The following AP4S1 variants were observed in gnomAD, a reference collection of about 807,000 sequenced individuals.
AP4S1 encodes AP-4 complex subunit sigma-1.
A neutral mutation model predicts 19.8 loss-of-function variants in AP4S1; 23 were observed. The ratio of observed to expected loss-of-function variants is 1.16; its 90% CI spans 0.84 to 1.65. The LOEUF (loss-of-function observed/expected upper bound fraction) is 1.65. Ranked by LOEUF, AP4S1 falls within the 40% of genes most tolerant of loss-of-function variation. AP4S1 has a pLI of 0.00. For synonymous variants in AP4S1, 46 were observed against 54.1 expected, an observed-to-expected ratio of 0.85 and a Z score of 0.66; for missense variants, 166 against 172.8, an observed-to-expected ratio of 0.96 and a Z score of 0.22.
intron 3 of AP4S1, among the ~76,000 whole-genome samples, chr14:31,071,889 TTTTATTTA>T (rs199990301): frequency 1.8e-4 from 26 of 148,392 alleles, no homozygotes; most frequent in African/African-American, 3.2e-4. Context: ...ATATTTTTAC[TTTTATTTA>T]TTTATTTATT....
intron 2 of AP4S1, among the ~76,000 whole-genome samples, chr14:31,068,770 C>T (rs1886854922): frequency 6.6e-6 from 1 of 152,046 alleles, no homozygotes; most frequent in Admixed American, 6.6e-5. Flanking sequence ...ACCAAAGTAG[C>T]ATAATAGCAG....
At chr14:31,049,428 A>AAAAAAAAT (rs1384450221) in intron 1 of AP4S1, among the ~76,000 whole-genome samples, 5 of 57,736 alleles carry the variant, frequency 8.7e-5, no homozygotes, top group Non-Finnish European at 5.8e-5. Context: ...AAAAAAAAAA[A>AAAAAAAAT]ATATATATAT....
intron 1 of AP4S1, among the ~76,000 whole-genome samples, chr14:31,044,882 A>G (rs1885301589): frequency 1.3e-5 from 2 of 151,524 alleles, no homozygotes; most frequent in African/African-American, 4.8e-5. Context: ...TATATTCTTT[A>G]TTTTAAAAGA....
chr14:31,040,252 A>G (rs1885035281), intron 1 of AP4S1, among the ~76,000 whole-genome samples: 1 of 150,396 alleles, frequency 6.6e-6, no homozygotes, highest in Middle Eastern at 3.4e-3. Flanking sequence ...CCCAAGGCTC[A>G]GGTGATCCTC....
At chr14:31,064,350 G>A (rs946709386) in intron 1 of AP4S1, among the ~76,000 whole-genome samples, 2 of 152,024 alleles carry the variant, frequency 1.3e-5, no homozygotes, top group African/African-American at 4.8e-5. Flanking sequence ...CCGGGCTCAA[G>A]AGATTCTCCT....
chr14:31,026,219 G>C, intron 1 of AP4S1: 3 of 1,383,626 alleles, frequency 2.2e-6, no homozygotes, highest in Non-Finnish European at 2.8e-6. Context: ...CGCAGGGCGA[G>C]ACGCCGACAG....
At chr14:31,046,833 G>A (rs1347796152) in intron 1 of AP4S1, among the ~76,000 whole-genome samples, 6 of 142,242 alleles carry the variant, frequency 4.2e-5, no homozygotes, top group Admixed American at 2.9e-4. Flanking sequence ...GCAACAGAGC[G>A]AGACTCCGTC....
chr14:31,051,861 A>T (rs377514500), intron 1 of AP4S1, among the ~76,000 whole-genome samples: 3 of 152,260 alleles, frequency 2.0e-5, no homozygotes, highest in African/African-American at 4.8e-5. Flanking sequence ...GGGTTTAGCC[A>T]TGTTGGCCAA....
At chr14:31,056,487 T>G (rs1886126328) in intron 1 of AP4S1, among the ~76,000 whole-genome samples, 1 of 152,100 alleles carries the variant, frequency 6.6e-6, no homozygotes, top group African/African-American at 2.4e-5. Flanking sequence ...GCCTCCTAAG[T>G]AGCTAGGATT....
chr14:31,032,809 C>T (rs1884482741), intron 1 of AP4S1, among the ~76,000 whole-genome samples: 1 of 152,194 alleles, frequency 6.6e-6, no homozygotes, highest in Non-Finnish European at 1.5e-5. Context: ...GCTGGGATTA[C>T]AGGCATGAGC....
intron 5 of AP4S1, among the ~76,000 whole-genome samples, chr14:31,089,405 T>TA (rs963633672): frequency 2.4e-4 from 37 of 152,232 alleles, no homozygotes; most frequent in Non-Finnish European, 4.4e-4. Context: ...GAATATTTTT[T>TA]AAAAAAAGAA....
At chr14:31,030,396 G>A (rs950816471) in intron 1 of AP4S1, among the ~76,000 whole-genome samples, 4 of 152,078 alleles carry the variant, frequency 2.6e-5, no homozygotes, top group Non-Finnish European at 4.4e-5. Flanking sequence ...TTTGTACAGA[G>A]GGAATCTCAC....
chr14:31,054,867 CAAAAAAAAAAAAA>C (rs1162029946), intron 1 of AP4S1, among the ~76,000 whole-genome samples: 11 of 46,398 alleles, frequency 2.4e-4, no homozygotes, highest in East Asian at 9.1e-4. Context: ...GACTCTGTCT[CAAAAAAAAAAAAA>C]AAAAAAAAAA....
intron 4 of AP4S1, chr14:31,073,287 G>A (rs532373436): frequency 1.9e-4 from 57 of 303,540 alleles, no homozygotes; most frequent in Admixed American, 3.2e-4. Flanking sequence ...TCAGGAGATG[G>A]AGACCATCCT....
chr14:31,080,556 C>A lies in AP4S1; in HGVS notation c.295-17C>A, dbSNP rs767885420. On this transcript the variant is annotated splice_polypyrimidine_tract_variant and intron_variant, in intron 4 of 5. Transcript: ENST00000542754. ...GTGTCTTTTTTCTAACCCTTGCACT[C>A]TTTTTCTGTCTTCCAGAGTGAATTA... 3.7e-6 allele frequency: 6 copies of A among 1,606,064 alleles called. No homozygotes were observed. The East Asian group carries it at 1.3e-4, about 36-fold the overall frequency.
At chr14:31,080,411 C>T (rs1887576076) in intron 4 of AP4S1, among the ~76,000 whole-genome samples, 162 bp from the exon 5 acceptor site, 1 of 152,178 alleles carries the variant, frequency 6.6e-6, no homozygotes, top group African/African-American at 2.4e-5. Flanking sequence ...TAGTCCCAAA[C>T]TTAGGGCCTT....
intron 1 of AP4S1, among the ~76,000 whole-genome samples, chr14:31,052,651 C>T (rs1187816741): frequency 6.7e-6 from 1 of 149,696 alleles, no homozygotes; most frequent in African/African-American, 2.5e-5. Flanking sequence ...TCACTTGAAC[C>T]TGGGAAATGG....
chr14:31,090,275 C>T (rs1434032484), intron 5 of AP4S1, among the ~76,000 whole-genome samples: 4 of 152,170 alleles, frequency 2.6e-5, no homozygotes, highest in Admixed American at 6.5e-5. Flanking sequence ...TGTGAGCCAC[C>T]GTGCCCGGCC....
intron 1 of AP4S1, 116 bp downstream of exon 1, chr14:31,025,903 C>A: frequency 1.2e-6 from 2 of 1,600,226 alleles, no homozygotes; most frequent in Non-Finnish European, 1.7e-6. Context: ...CAACGAGGTA[C>A]CTGCAGTTCG....
Sources: allele counts gnomAD v4.1 joint callset (sites outside exome capture counted in the v4.1 genomes callset), GRCh38; gene constraint gnomAD v4.1.1; transcripts MANE v1.5; gene names NCBI Gene and HGNC (gene_info 2026-07-23, HGNC 2026-07-21).